Variants in DPYD observed in about 807,000 individuals in gnomAD.
DPYD encodes dihydropyrimidine dehydrogenase.
In DPYD, 109 loss-of-function variants were observed where a neutral mutation model predicts 116.2. The ratio of observed to expected loss-of-function variants is 0.94; its 90% CI spans 0.80 to 1.10. The LOEUF is 1.10. Ranked by LOEUF, DPYD falls within the 50% of genes least tolerant of loss-of-function variation. DPYD has a pLI of 0.00. For missense variants in DPYD, 1,302 were observed against 1,254.5 expected (o/e 1.04, Z -0.57); for synonymous variants, 440 against 432.0 (o/e 1.02, Z -0.23).
Position 97,593,264 on chromosome 1 carries a change from A to G in DPYD, c.1082T>C (p.Ile361Thr). ...ATTAACAAAGCCTTTTCTGAAGACG[A>G]TGAACACACGGCGAGCTCCACAACG... ...ALRCGARRVFIVFRKGFVNIR... is the reference protein window; with the variant it reads ...ALRCGARRVFTVFRKGFVNIR... Residue 361 changes from isoleucine (I) to threonine (T), a missense_variant, in exon 10 of 23, where the codon ATC becomes ACC. Ile to Thr is a moderately conservative substitution (Grantham distance 89). Transcript: ENST00000370192. 6.2e-7 allele frequency: 1 copy of G among 1,614,154 alleles called. No homozygotes were observed. Among genetic ancestry groups the G allele is most frequent in the Non-Finnish European group, 8.5e-7 (1 of 1,180,018 alleles).
intron 19 of DPYD, among the ~76,000 whole-genome samples, chr1:97,229,203 C>CAAAAAA (rs34445661): frequency 8.5e-5 from 5 of 58,580 alleles, no homozygotes; most frequent in East Asian, 5.3e-4. Flanking sequence ...GACTCCTTCT[C>CAAAAAA]AAAAAAAAAA....
At chr1:97,721,066 T>C (rs1020356250) in intron 5 of DPYD, 1 of 1,261,558 alleles carries the variant, frequency 7.9e-7, no homozygotes, top group Non-Finnish European at 1.1e-6. Flanking sequence ...TTACTTAGTT[T>C]CAGGGTTTTT....
chr1:97,439,578 A>G (rs1442638752), intron 14 of DPYD, among the ~76,000 whole-genome samples: 1 of 151,992 alleles, frequency 6.6e-6, no homozygotes, highest in Non-Finnish European at 1.5e-5. Context: ...CTCCTTTTCT[A>G]TATTGGTAAT....
intron 18 of DPYD, among the ~76,000 whole-genome samples, chr1:97,292,473 A>G (rs1383620647): frequency 6.6e-6 from 1 of 152,190 alleles, no homozygotes; most frequent in African/African-American, 2.4e-5. Context: ...CACTATCATG[A>G]GAACAGCATA....
At chr1:97,126,380 G>T (rs1331903038) in intron 20 of DPYD, among the ~76,000 whole-genome samples, 2 of 152,042 alleles carry the variant, frequency 1.3e-5, no homozygotes, top group Non-Finnish European at 2.9e-5. Flanking sequence ...GCTTGGATTT[G>T]CCTCCCTGGC....
intron 14 of DPYD, among the ~76,000 whole-genome samples, chr1:97,427,130 G>A (rs943138734): frequency 2.0e-5 from 3 of 151,840 alleles, no homozygotes; most frequent in African/African-American, 2.4e-5. Context: ...CTACTACCTC[G>A]GGATACTATG....
intron 19 of DPYD, among the ~76,000 whole-genome samples, chr1:97,224,345 T>C (rs1660975026): frequency 6.6e-6 from 1 of 152,044 alleles, no homozygotes; most frequent in East Asian, 1.9e-4. Context: ...GCTAATTCCT[T>C]AGTTTTTATA....
intron 11 of DPYD, among the ~76,000 whole-genome samples, chr1:97,569,681 C>T (rs1252556102): frequency 6.6e-6 from 1 of 151,680 alleles, no homozygotes; most frequent in African/African-American, 2.4e-5. Flanking sequence ...AAAGTAGAAC[C>T]ATTTTGAGTT....
chr1:97,607,180 G>T (rs1455758843), intron 8 of DPYD, among the ~76,000 whole-genome samples: 1 of 151,890 alleles, frequency 6.6e-6, no homozygotes, highest in Admixed American at 6.6e-5. Flanking sequence ...GGATGCAGAA[G>T]AATAAAAATA....
intron 15 of DPYD, among the ~76,000 whole-genome samples, chr1:97,376,619 C>T (rs2101535123): frequency 6.6e-6 from 1 of 152,174 alleles, no homozygotes; most frequent in African/African-American, 2.4e-5. Flanking sequence ...GCAACTCTAA[C>T]CATTCAAAAA....
chr1:97,281,407 T>C (rs1665314969), intron 18 of DPYD, among the ~76,000 whole-genome samples: 4 of 151,736 alleles, frequency 2.6e-5, no homozygotes, highest in South Asian at 4.1e-4. Flanking sequence ...AGAGAAAATA[T>C]ATAAATATAT....
intron 18 of DPYD, among the ~76,000 whole-genome samples, chr1:97,255,500 C>G (rs1390877697): frequency 6.6e-6 from 1 of 152,160 alleles, no homozygotes; most frequent in Non-Finnish European, 1.5e-5. Flanking sequence ...TTCCCCTGCA[C>G]AAGTTCTCTC....
At chr1:97,490,357 T>C (rs1187502085) in intron 13 of DPYD, among the ~76,000 whole-genome samples, 1 of 147,976 alleles carries the variant, frequency 6.8e-6, no homozygotes, top group Non-Finnish European at 1.5e-5. Flanking sequence ...TTACATAGTA[T>C]ATTATATTAT....
intron 18 of DPYD, among the ~76,000 whole-genome samples, chr1:97,262,141 T>C (rs1306032906): frequency 6.6e-6 from 1 of 152,042 alleles, no homozygotes; most frequent in Non-Finnish European, 1.5e-5. Context: ...AATACCCACC[T>C]GCCTCATCTT....
At chr1:97,819,041 T>C (rs989500468) in intron 3 of DPYD, among the ~76,000 whole-genome samples, 1 of 152,026 alleles carries the variant, frequency 6.6e-6, no homozygotes, top group Non-Finnish European at 1.5e-5. Flanking sequence ...AAAGTAATCA[T>C]GCACTTTTGT....
intron 20 of DPYD, among the ~76,000 whole-genome samples, chr1:97,131,169 A>G (rs752062800): frequency 2.0e-4 from 31 of 152,076 alleles, no homozygotes; most frequent in Non-Finnish European, 3.5e-4. Context: ...AAGGAACGCT[A>G]CAGGTCAGAG....
At chr1:97,632,471 A>G (rs1373686946) in intron 8 of DPYD, among the ~76,000 whole-genome samples, 2 of 152,166 alleles carry the variant, frequency 1.3e-5, no homozygotes, top group Non-Finnish European at 2.9e-5. Flanking sequence ...TGATATACAA[A>G]TGTACTTCTA....
chr1:97,802,672 C>A (rs1177310624), intron 3 of DPYD, among the ~76,000 whole-genome samples: 2 of 151,878 alleles, frequency 1.3e-5, no homozygotes, highest in African/African-American at 4.8e-5. Flanking sequence ...GTATAGAAGT[C>A]CCAGTTCTCC....
intron 14 of DPYD, among the ~76,000 whole-genome samples, chr1:97,425,451 G>A (rs184534100): frequency 6.6e-6 from 1 of 152,120 alleles, no homozygotes; most frequent in East Asian, 1.9e-4. Flanking sequence ...TACTAAAACT[G>A]TAAAAATGAA....
Sources: allele counts gnomAD v4.1 joint callset (sites outside exome capture counted in the v4.1 genomes callset), GRCh38; gene constraint gnomAD v4.1.1; transcripts MANE v1.5; gene names NCBI Gene and HGNC (gene_info 2026-07-23, HGNC 2026-07-21).